The following LY86 variants were observed in gnomAD, a reference collection of about 807,000 sequenced individuals.
The protein encoded by LY86 is MD-1, RP105-associated.
In LY86, 20 loss-of-function variants were observed where a neutral mutation model predicts 17.3. The observed-to-expected ratio is 1.15, with a 90% CI of 0.81 to 1.68. LY86 has a LOEUF of 1.68. Among genes scored for constraint, LY86 ranks in the 40% most tolerant of loss-of-function variants. LY86 has a pLI of 0.00. For missense variants in LY86, 200 were observed against 191.9 expected (o/e 1.04, Z -0.25); for synonymous variants, 74 against 70.6 (o/e 1.05, Z -0.24).
At chr6:6,612,199 C>G (rs1422378710) in intron 1 of LY86, among the ~76,000 whole-genome samples, 3 of 152,154 alleles carry the variant, frequency 2.0e-5, no homozygotes, top group African/African-American at 7.2e-5. Flanking sequence ...AAGAACGAAG[C>G]CACAGACCCT....
chr6:6,648,408 C>T (rs1045873611), intron 3 of LY86, among the ~76,000 whole-genome samples: 3 of 152,200 alleles, frequency 2.0e-5, no homozygotes, highest in African/African-American at 7.2e-5. Flanking sequence ...CAACACAGTT[C>T]CTCTTGTTCA....
At chr6:6,593,681 T>C (rs1760602758) in intron 1 of LY86, among the ~76,000 whole-genome samples, 4 of 152,228 alleles carry the variant, frequency 2.6e-5, no homozygotes. Flanking sequence ...GGACATGGCA[T>C]TGTTTCTGAA....
At chr6:6,611,753 ATC>A (rs1761342200) in intron 1 of LY86, among the ~76,000 whole-genome samples, 1 of 152,160 alleles carries the variant, frequency 6.6e-6, no homozygotes, top group Non-Finnish European at 1.5e-5. Flanking sequence ...TCACCTTTGT[ATC>A]CCACATCTAG....
chr6:6,640,420 G>C (rs1762023221), intron 3 of LY86, among the ~76,000 whole-genome samples: 1 of 151,588 alleles, frequency 6.6e-6, no homozygotes, highest in Non-Finnish European at 1.5e-5. Flanking sequence ...AAAAAAAAAG[G>C]CAGGAGGGGG....
chr6:6,631,496 G>T (rs1761898997), intron 3 of LY86, among the ~76,000 whole-genome samples: 1 of 152,168 alleles, frequency 6.6e-6, no homozygotes, highest in South Asian at 2.1e-4. Flanking sequence ...ATCATCTTTG[G>T]GCATAACCAG....
chr6:6,650,740 G>A (rs1380040614), intron 4 of LY86, among the ~76,000 whole-genome samples: 1 of 152,008 alleles, frequency 6.6e-6, no homozygotes, highest in Admixed American at 6.6e-5. Context: ...ATCAAGTCAG[G>A]GTATTTAGGA....
chr6:6,635,656 T>C (rs1220485953), intron 3 of LY86, among the ~76,000 whole-genome samples: 1 of 152,198 alleles, frequency 6.6e-6, no homozygotes, highest in Non-Finnish European at 1.5e-5. Flanking sequence ...AGCTGCAGGC[T>C]TTCCATCCCC....
At chr6:6,594,324 G>A (rs1195188920) in intron 1 of LY86, among the ~76,000 whole-genome samples, 2 of 152,160 alleles carry the variant, frequency 1.3e-5, no homozygotes, top group Non-Finnish European at 2.9e-5. Flanking sequence ...TATTTTTAAT[G>A]TTAAAGAATT....
At chr6:6,626,514 T>C in intron 3 of LY86, 93 bp downstream of exon 3, 2 of 1,410,908 alleles carry the variant, frequency 1.4e-6, no homozygotes, top group South Asian at 1.2e-5. Flanking sequence ...ACCAGAGCTC[T>C]GTCTCTGCCC....
In LY86 at chr6:6,627,345, A is replaced by C. The variant is rs1355913258; in HGVS notation, c.352+924A>C. 2.0e-5 allele frequency among the ~76,000 whole-genome samples: 3 copies of C among 152,222 alleles called. No individual in the cohort carries two copies. In the East Asian group the frequency reaches 5.8e-4, roughly 29 times the overall value. On this transcript the variant is annotated intron_variant, in intron 3 of 4. Coordinates refer to ENST00000230568, the MANE Select transcript of LY86 (RefSeq NM_004271.4). ...AAATGAAAGATCTAGAAGAAATTGG[A>C]ATCTCCTTTCTACAGTGAGGGATGC...
chr6:6,602,818 T>G (rs1379109655), intron 1 of LY86, among the ~76,000 whole-genome samples: 3 of 152,150 alleles, frequency 2.0e-5, no homozygotes, highest in African/African-American at 7.2e-5. Flanking sequence ...GACTTAACTG[T>G]GTATTGGACA....
At chr6:6,595,144 A>G (rs891018130) in intron 1 of LY86, among the ~76,000 whole-genome samples, 1 of 145,592 alleles carries the variant, frequency 6.9e-6, no homozygotes, top group East Asian at 2.2e-4. Flanking sequence ...GGGAGAGGGA[A>G]AGAGAGGAGG....
At chr6:6,615,109 A>G (rs1761522868) in intron 1 of LY86, among the ~76,000 whole-genome samples, 1 of 152,212 alleles carries the variant, frequency 6.6e-6, no homozygotes, top group Non-Finnish European at 1.5e-5. Flanking sequence ...AAGATCATAT[A>G]TCAGGAAATG....
At chr6:6,606,515 T>G (rs1401458282) in intron 1 of LY86, among the ~76,000 whole-genome samples, 1 of 152,154 alleles carries the variant, frequency 6.6e-6, no homozygotes, top group South Asian at 2.1e-4. Context: ...GGGCGCCGTG[T>G]AGCAGGGGGC....
chr6:6,606,730 G>T (rs967397315), intron 1 of LY86, among the ~76,000 whole-genome samples: 20 of 152,202 alleles, frequency 1.3e-4, no homozygotes, highest in African/African-American at 3.6e-4. Context: ...TGCGGGGCCC[G>T]CTGAGCCCAC....
At chr6:6,603,593 AAAACAGAAACAGAAAAAAAAACAAAC>A (rs1414751436) in intron 1 of LY86, among the ~76,000 whole-genome samples, 1 of 90,372 alleles carries the variant, frequency 1.1e-5, no homozygotes, top group Non-Finnish European at 2.6e-5. Context: ...GCCAAAAACA[AAAACAGAAACAGAAAAAAAAACAAAC>A]AAAAAAAAAC....
At chr6:6,626,481 G>C (rs1761791577) in intron 3 of LY86, 60 bp downstream of exon 3, 2 of 1,594,594 alleles carry the variant, frequency 1.3e-6, no homozygotes, top group Non-Finnish European at 1.7e-6. Flanking sequence ...ACTCGAACTT[G>C]CATCTGAGGC....
chr6:6,635,949 C>G (rs759096650), intron 3 of LY86, among the ~76,000 whole-genome samples: 1 of 152,220 alleles, frequency 6.6e-6, no homozygotes, highest in Non-Finnish European at 1.5e-5. Flanking sequence ...CCTGACTCAT[C>G]AGACTGCAGT....
At chr6:6,626,155 A>G (rs1211076213) in intron 2 of LY86, 138 bp from the exon 3 acceptor site, 27 of 789,306 alleles carry the variant, frequency 3.4e-5, no homozygotes, top group Non-Finnish European at 4.7e-5. Flanking sequence ...TACCAAGGAA[A>G]GAAGAAAACT....
Sources: gnomAD v4.1 joint callset for allele counts (sites outside exome capture counted in the v4.1 genomes callset) on GRCh38, gnomAD v4.1.1 for gene constraint, MANE v1.5 for transcripts, NCBI Gene and HGNC (gene_info 2026-07-23, HGNC 2026-07-21) for gene names.